DAB2IP: variants seen among roughly 807,000 people sequenced by gnomAD.
The protein encoded by DAB2IP is DAB2 interacting protein.
In DAB2IP, 28 loss-of-function variants were observed where a neutral mutation model predicts 107.2. The observed-to-expected ratio is 0.26, with a 90% CI of 0.19 to 0.36. The LOEUF (loss-of-function observed/expected upper bound fraction) is 0.36, where lower values mean the gene tolerates loss of function less well. DAB2IP is among the 10% of genes least tolerant of loss of function. The pLI is 1.00. For synonymous variants in DAB2IP, 755 were observed against 706.4 expected (o/e 1.07, Z -1.09); for missense variants, 1,400 against 1,644.7 (o/e 0.85, Z 2.57).
intron 3 of DAB2IP, among the ~76,000 whole-genome samples, chr9:121,745,587 G>A (rs1302174267): frequency 7.2e-6 from 1 of 139,286 alleles, no homozygotes; most frequent in Non-Finnish European, 1.5e-5. Flanking sequence ...TAGTGGAGGC[G>A]CTCAGTGGCT....
At chr9:121,589,111 C>T (rs144671196) in intron 1 of DAB2IP, among the ~76,000 whole-genome samples, 1 of 152,184 alleles carries the variant, frequency 6.6e-6, no homozygotes, top group Non-Finnish European at 1.5e-5. Context: ...TGGCTCTGTC[C>T]CACCCCCGGC....
At chr9:121,728,891 CA>C (rs1391189467) in intron 3 of DAB2IP, among the ~76,000 whole-genome samples, 4 of 152,322 alleles carry the variant, frequency 2.6e-5, no homozygotes, top group Admixed American at 1.3e-4. Context: ...ATTTAAGCAG[CA>C]TCATTTGCAT....
At chr9:121,610,962 C>A (rs1214380564) in intron 1 of DAB2IP, among the ~76,000 whole-genome samples, 1 of 151,852 alleles carries the variant, frequency 6.6e-6, no homozygotes, top group Non-Finnish European at 1.5e-5. Context: ...AGTGGAGTGA[C>A]CATAAGATTT....
chr9:121,750,699 A>C (rs76667706), intron 3 of DAB2IP, among the ~76,000 whole-genome samples: 5,099 of 152,234 alleles, frequency 0.033, 260 homozygotes, highest in African/African-American at 0.11. Flanking sequence ...TGCTGTGTCA[A>C]GTAGGGATTT....
chr9:121,688,540 ATC>A (rs1412308004), intron 2 of DAB2IP, among the ~76,000 whole-genome samples: 1 of 151,898 alleles, frequency 6.6e-6, no homozygotes, highest in African/African-American at 2.4e-5. Flanking sequence ...ATTCCTCCCC[ATC>A]TCTCTCTGTC....
At chr9:121,591,245 G>A (rs1343876420) in intron 1 of DAB2IP, among the ~76,000 whole-genome samples, 1 of 152,172 alleles carries the variant, frequency 6.6e-6, no homozygotes, top group Non-Finnish European at 1.5e-5. Flanking sequence ...AAGGCGGGTG[G>A]ATCACTTGAG....
At chr9:121,639,032 G>A (rs1832189218) in intron 1 of DAB2IP, among the ~76,000 whole-genome samples, 1 of 152,158 alleles carries the variant, frequency 6.6e-6, no homozygotes, top group African/African-American at 2.4e-5. Context: ...TAGGGCTGGG[G>A]CCATATCCAC....
intron 3 of DAB2IP, among the ~76,000 whole-genome samples, chr9:121,726,991 G>T (rs1831268886): frequency 6.6e-6 from 1 of 152,210 alleles, no homozygotes; most frequent in Non-Finnish European, 1.5e-5. Flanking sequence ...GGGATGGGAG[G>T]TGGAGAGGAG....
intron 1 of DAB2IP, among the ~76,000 whole-genome samples, chr9:121,666,153 C>G (rs1435865007): frequency 6.6e-6 from 1 of 152,196 alleles, no homozygotes; most frequent in African/African-American, 2.4e-5. Context: ...GGTTCCTTGT[C>G]TCATAGCCCC....
chr9:121,703,373 A>G (rs1025405996), intron 3 of DAB2IP, among the ~76,000 whole-genome samples: 3 of 152,138 alleles, frequency 2.0e-5, no homozygotes, highest in African/African-American at 7.2e-5. Context: ...CCCCTACTAT[A>G]GACAGGGAGG....
exon 16 of DAB2IP, chr9:121,783,609 G>T: frequency 6.3e-7 from 1 of 1,593,594 alleles, no homozygotes. Context: ...CGTGCGCACT[G>T]CATGGGAAAT....
In DAB2IP at chr9:121,720,384, CG is replaced by C. The variant is rs1249077928; in HGVS notation, c.362+20929del. On this transcript the variant is annotated intron_variant, in intron 3 of 15. Transcript: ENST00000408936. ...GATACATTGAGCACCTACTGCGTGCCGGGTGCTGTGCCAGGCCCTGGAATAA... is the reference window on the plus strand; with the variant it reads ...GATACATTGAGCACCTACTGCGTGCCGGTGCTGTGCCAGGCCCTGGAATAA... Among the ~76,000 whole-genome samples the C allele has an allele frequency of 4.2e-4, 64 of 152,304 alleles. 1 individual carries two copies. The highest frequency in any genetic ancestry group is 9.0e-4 in the Non-Finnish European group (61 of 68,004).
intron 1 of DAB2IP, among the ~76,000 whole-genome samples, chr9:121,591,599 C>T (rs566096989): frequency 7.9e-5 from 12 of 152,300 alleles, no homozygotes; most frequent in South Asian, 4.1e-4. Flanking sequence ...ATGATTGGAT[C>T]TGTGCTTTGA....
rs865967908 is a variant in DAB2IP, at chr9:121,736,477, G to T, written c.363-20536G>T. 7.3e-5 allele frequency among the ~76,000 whole-genome samples: 11 copies of T among 151,524 alleles called. No homozygotes were observed. The South Asian group carries it at 1.7e-3, about 23-fold the overall frequency. ...CGCTAGCGGGAAGTGGCTGCAGCTGGAGGCAGCTGGCCGCGGAATGTCACC... is the reference window on the plus strand; with the variant it reads ...CGCTAGCGGGAAGTGGCTGCAGCTGTAGGCAGCTGGCCGCGGAATGTCACC... On this transcript the variant is annotated intron_variant, in intron 3 of 15. Coordinates refer to ENST00000408936, the Ensembl canonical transcript of DAB2IP. The surrounding 1 kb of genome is among the most constrained non-coding windows in gnomAD (Gnocchi z 4.6).
At chr9:121,653,241 GGAGGGAGTACTAAGCCTTTAGTACTCC>G (rs1832833054) in intron 1 of DAB2IP, among the ~76,000 whole-genome samples, 3 of 60,028 alleles carry the variant, frequency 5.0e-5, no homozygotes, top group Admixed American at 2.9e-4. Flanking sequence ...AGTACTCCTT[GGAGGGAGTACTAAGCCTTTAGTACTCC>G]TTGGAGGGAG....
chr9:121,655,339 G>T (rs1296244230), intron 1 of DAB2IP, among the ~76,000 whole-genome samples: 1 of 152,116 alleles, frequency 6.6e-6, no homozygotes, highest in Non-Finnish European at 1.5e-5. Context: ...TCTGACCCCT[G>T]TGTTTCCCCA....
intron 2 of DAB2IP, among the ~76,000 whole-genome samples, chr9:121,690,512 T>G (rs889214962): frequency 1.3e-5 from 2 of 152,184 alleles, no homozygotes; most frequent in East Asian, 1.9e-4. Flanking sequence ...ACAGGCTTAT[T>G]ATGCTAAGGC....
At chr9:121,740,260 C>T (rs1054913324) in intron 3 of DAB2IP, among the ~76,000 whole-genome samples, 1 of 152,116 alleles carries the variant, frequency 6.6e-6, no homozygotes, top group Non-Finnish European at 1.5e-5. Flanking sequence ...CGCCGATAGG[C>T]CCCCCACAGT....
chr9:121,614,337 C>CT (rs35959966), intron 1 of DAB2IP, among the ~76,000 whole-genome samples: 58,556 of 103,074 alleles, frequency 0.57, 17,432 homozygotes, highest in Non-Finnish European at 0.64. Context: ...TCTTTCTTTT[C>CT]TTTTTTTTTT....
Sources: gnomAD v4.1 joint callset for allele counts (sites outside exome capture counted in the v4.1 genomes callset) on GRCh38, gnomAD v4.1.1 for gene constraint, Gnocchi (gnomAD v3.1) non-coding constraint, MANE v1.5 for transcripts, NCBI Gene and HGNC (gene_info 2026-07-23, HGNC 2026-07-21) for gene names.